TMEM117: variants seen among roughly 807,000 people sequenced by gnomAD.
TMEM117 encodes transmembrane protein 117.
In TMEM117, 27 loss-of-function variants were observed where a neutral mutation model predicts 52.4. That is an observed-to-expected ratio of 0.51 (90% CI 0.38 to 0.71). The LOEUF (loss-of-function observed/expected upper bound fraction) is 0.71. Ranked by LOEUF, TMEM117 falls within the 30% of genes least tolerant of loss-of-function variation. The pLI, the probability that TMEM117 is intolerant of heterozygous loss-of-function variation, is 0.00. For synonymous variants in TMEM117, 215 were observed against 206.3 expected (o/e 1.04, Z -0.36); for missense variants, 556 against 630.5 (o/e 0.88, Z 1.26).
chr12:44,349,266 C>T (rs1395297125), intron 6 of TMEM117, among the ~76,000 whole-genome samples: 1 of 151,978 alleles, frequency 6.6e-6, no homozygotes, highest in Non-Finnish European at 1.5e-5. Flanking sequence ...CTAATAGACC[C>T]ATTTAACTCA....
At chr12:44,095,949 A>T (rs912789645) in intron 3 of TMEM117, among the ~76,000 whole-genome samples, 1 of 152,192 alleles carries the variant, frequency 6.6e-6, no homozygotes, top group African/African-American at 2.4e-5. Flanking sequence ...AGACGACATG[A>T]TTGTATATCT....
chr12:44,001,652 C>T (rs904566777), intron 3 of TMEM117, among the ~76,000 whole-genome samples: 1 of 151,630 alleles, frequency 6.6e-6, no homozygotes, highest in East Asian at 1.9e-4. Context: ...AAGACAAATT[C>T]ACAGCCTGGT....
At chr12:44,366,954 G>T (rs949813343) in intron 6 of TMEM117, among the ~76,000 whole-genome samples, 4 of 152,084 alleles carry the variant, frequency 2.6e-5, no homozygotes, top group Admixed American at 6.6e-5. Context: ...AATAGATACT[G>T]CCCAATCAGA....
chr12:44,176,860 T>C (rs1473163363), intron 4 of TMEM117, among the ~76,000 whole-genome samples: 2 of 152,138 alleles, frequency 1.3e-5, no homozygotes, highest in African/African-American at 4.8e-5. Context: ...GTCCTTAAAA[T>C]GCTATCCTCA....
Position 44,322,823 on chromosome 12 carries a change from C to T in TMEM117, c.768+23084C>T, listed in dbSNP as rs78031215. Among the ~76,000 whole-genome samples the T allele has an allele frequency of 3.6e-3, 548 of 152,140 alleles. 3 individuals are homozygous for T. The highest frequency in any genetic ancestry group is 0.012 in the African/African-American group (505 of 41,488). On this transcript the variant is annotated intron_variant, in intron 6 of 7. Coordinates refer to ENST00000266534, the MANE Select transcript of TMEM117 (RefSeq NM_032256.3). The stretch of plus-strand genomic sequence containing the variant: ...GAATAATGTGCTCCCCGCTGGCCGG[C>T]CCCCCACCAAAAAAGATACTCATAC...
intron 3 of TMEM117, among the ~76,000 whole-genome samples, chr12:43,981,416 A>G (rs1945758404): frequency 6.6e-6 from 1 of 152,216 alleles, no homozygotes. Flanking sequence ...GGAAGGATGA[A>G]TGGATCATAG....
At chr12:43,888,304 G>A (rs945830161) in intron 2 of TMEM117, among the ~76,000 whole-genome samples, 1 of 152,142 alleles carries the variant, frequency 6.6e-6, no homozygotes, top group Admixed American at 6.5e-5. Context: ...TATTCTGTAT[G>A]TGATTCTATG....
At chr12:44,386,411 A>G (rs922531051) in intron 7 of TMEM117, among the ~76,000 whole-genome samples, 2 of 152,176 alleles carry the variant, frequency 1.3e-5, no homozygotes, top group Non-Finnish European at 2.9e-5. Context: ...CCAGTTGGGT[A>G]TGCCCAAAAA....
Position 43,859,999 on chromosome 12 carries a change from A to G in TMEM117, c.277+15071A>G, listed in dbSNP as rs1044015733. Among the ~76,000 whole-genome samples, 3 of 152,208 alleles carry G rather than the reference A, an allele frequency of 2.0e-5. No homozygotes were observed. The East Asian group carries it at 5.8e-4, about 29-fold the overall frequency. Reference sequence around the variant, plus strand: ...GATTTATGCTCACTGATACTAAGCTATGAAGGTGTTAATGTCATTGAGTTT... The same window carrying G: ...GATTTATGCTCACTGATACTAAGCTGTGAAGGTGTTAATGTCATTGAGTTT... On this transcript the variant is annotated intron_variant, in intron 2 of 7. Transcript: ENST00000266534.
intron 2 of TMEM117, among the ~76,000 whole-genome samples, chr12:43,854,035 C>T (rs964689484): frequency 7.9e-5 from 12 of 152,044 alleles, no homozygotes; most frequent in South Asian, 2.1e-4. Flanking sequence ...AGGAAAGAGG[C>T]GTTGCAGTGA....
chr12:44,241,061 A>G lies in TMEM117; in HGVS notation c.608+29674A>G, dbSNP rs151312931. Among the ~76,000 whole-genome samples, 356 of 152,152 alleles carry G rather than the reference A, an allele frequency of 2.3e-3. 12 individuals are homozygous for G. In the East Asian group the frequency reaches 0.035, roughly 15 times the overall value. On this transcript the variant is annotated intron_variant, in intron 5 of 7. Coordinates refer to ENST00000266534, the MANE Select transcript of TMEM117 (RefSeq NM_032256.3). ...ATCCATGAATGATCAAGTCCCTTGT[A>G]TAAAATGCCCTAGTATTTGCATATA...
intron 2 of TMEM117, among the ~76,000 whole-genome samples, chr12:43,864,202 CG>C (rs1013476026): frequency 6.6e-6 from 1 of 152,198 alleles, no homozygotes; most frequent in Non-Finnish European, 1.5e-5. Flanking sequence ...GGTTCCTGCG[CG>C]GCCTGAGCCT....
At chr12:43,959,278 C>T (rs374953161) in intron 3 of TMEM117, among the ~76,000 whole-genome samples, 20 of 152,166 alleles carry the variant, frequency 1.3e-4, no homozygotes, top group East Asian at 9.6e-4. Context: ...GGAGCTCTTA[C>T]ATTTATCCCG....
chr12:43,914,452 A>G (rs1412289820), intron 2 of TMEM117, among the ~76,000 whole-genome samples: 1 of 152,126 alleles, frequency 6.6e-6, no homozygotes, highest in Admixed American at 6.6e-5. Context: ...TCATTTCACA[A>G]ATATTCGTGG....
chr12:43,951,884 A>T (rs1945229450), intron 3 of TMEM117, among the ~76,000 whole-genome samples: 1 of 152,200 alleles, frequency 6.6e-6, no homozygotes, highest in African/African-American at 2.4e-5. Context: ...CTGATGCAGG[A>T]GAGCTCTGGC....
chr12:43,995,041 C>T (rs1371115714), intron 3 of TMEM117, among the ~76,000 whole-genome samples: 1 of 152,086 alleles, frequency 6.6e-6, no homozygotes, highest in African/African-American at 2.4e-5. Flanking sequence ...CTTTGGGAGG[C>T]TGAGGCGGGT....
chr12:44,067,568 T>C (rs1947240914), intron 3 of TMEM117, among the ~76,000 whole-genome samples: 1 of 152,230 alleles, frequency 6.6e-6, no homozygotes, highest in African/African-American at 2.4e-5. Flanking sequence ...TGACATTTCA[T>C]AATATTATGG....
intron 5 of TMEM117, among the ~76,000 whole-genome samples, chr12:44,239,809 G>T (rs1280776801): frequency 6.6e-6 from 1 of 151,812 alleles, no homozygotes; most frequent in African/African-American, 2.4e-5. Flanking sequence ...ACTAAAGAGT[G>T]TTATAAAAAA....
At chr12:44,237,717 A>T (rs1346742626) in intron 5 of TMEM117, among the ~76,000 whole-genome samples, 1 of 152,010 alleles carries the variant, frequency 6.6e-6, no homozygotes, top group African/African-American at 2.4e-5. Flanking sequence ...ACCCTGTCTC[A>T]ATTAAAAAAA....
Sources: gnomAD v4.1 joint callset for allele counts (sites outside exome capture counted in the v4.1 genomes callset) on GRCh38, gnomAD v4.1.1 for gene constraint, MANE v1.5 for transcripts, NCBI Gene and HGNC (gene_info 2026-07-23, HGNC 2026-07-21) for gene names.